YWHAZ: variants seen among roughly 807,000 people sequenced by gnomAD.
YWHAZ encodes tyrosine 3-monooxygenase/tryptophan 5-monooxygenase activation protein zeta.
For missense variants in YWHAZ, 79 were observed against 284.8 expected, an observed-to-expected ratio of 0.28 and a Z score of 5.20; for synonymous variants, 87 against 103.6, an observed-to-expected ratio of 0.84 and a Z score of 0.97.
chr8:100,934,815 C>T (rs1307265544), intron 2 of YWHAZ: 1 of 152,148 alleles, frequency 6.6e-6, no homozygotes, highest in Non-Finnish European at 1.5e-5. Flanking sequence ...GTTTACTTTG[C>T]ACATAAATTC....
chr8:100,941,142 G>A (rs1809819198), intron 2 of YWHAZ, among the ~76,000 whole-genome samples: 1 of 152,226 alleles, frequency 6.6e-6, no homozygotes, highest in African/African-American at 2.4e-5. Context: ...TTCTAGGCAA[G>A]AACTACAGCT....
At chr8:100,951,128 C>G (rs1314942842) in intron 1 of YWHAZ, 9 of 983,152 alleles carry the variant, frequency 9.2e-6, no homozygotes, top group Non-Finnish European at 1.1e-5. Context: ...TTCCTCCCAC[C>G]GCGGAGCCCA....
chr8:100,945,145 TAACACGTGGAAGAGA>T (rs1563688074), intron 2 of YWHAZ, among the ~76,000 whole-genome samples: 1 of 152,162 alleles, frequency 6.6e-6, no homozygotes, highest in Non-Finnish European at 1.5e-5. Flanking sequence ...AGTTTGAAAT[TAACACGTGGAAGAGA>T]AGAAACCCAA....
At chr8:100,939,818 G>A (rs573002765) in intron 2 of YWHAZ, among the ~76,000 whole-genome samples, 47 of 152,166 alleles carry the variant, frequency 3.1e-4, no homozygotes, top group African/African-American at 9.2e-4. Context: ...TTAGGAGATC[G>A]AGACCAACCT....
At chr8:100,925,550 C>T (rs534420878) in intron 2 of YWHAZ, among the ~76,000 whole-genome samples, 2 of 152,274 alleles carry the variant, frequency 1.3e-5, no homozygotes, top group South Asian at 4.1e-4. Flanking sequence ...CAACACAATT[C>T]AAGCAAACCT....
At chr8:100,953,361 C>T, upstream of YWHAZ, 3 of 985,582 alleles carry the variant, frequency 3.0e-6, no homozygotes, top group Non-Finnish European at 3.6e-6. Flanking sequence ...GGTGATGAGC[C>T]GGGACGGGAG....
In YWHAZ at chr8:100,920,346, A is replaced by C; in HGVS notation, c.*347T>G. The C allele has an allele frequency of 4.2e-6, 1 of 237,740 alleles. No individual in the cohort carries two copies. Among genetic ancestry groups the C allele is most frequent in the South Asian group, 6.6e-5 (1 of 15,110 alleles). The allele number at this position is 237,740 out of a possible 1,614,324, so 14.7% of individuals were successfully genotyped here. On this transcript the variant is annotated 3_prime_UTR_variant, in exon 6 of 6. Coordinates refer to ENST00000395958, the MANE Select transcript of YWHAZ (RefSeq NM_145690.3). The stretch of plus-strand genomic sequence containing the variant: ...CTTTTATTCCCCGCCAGGACAAACC[A>C]GTATGTAGGCAGTTTTCTTTGCTTA...
At position 100,918,408 on chromosome 8, in the gene YWHAZ, T is replaced by TATATATACATATATATA. The variant is rs1554611374; in HGVS notation, c.*2284_*2285insTATATATATGTATATAT. On this transcript the variant is annotated 3_prime_UTR_variant, in exon 6 of 6. Coordinates refer to ENST00000395958, the MANE Select transcript of YWHAZ (RefSeq NM_145690.3). Reference sequence around the variant, plus strand: ...AGTCTAGCTATAAAATATAATTACTTTATATATATATATATATATATATAT... The same window carrying TATATATACATATATATA: ...AGTCTAGCTATAAAATATAATTACTTATATATACATATATATATATATATATATATATATATATATAT... 2 of 41,882 alleles carry TATATATACATATATATA rather than the reference T, an allele frequency of 4.8e-5. No homozygotes were observed. The highest frequency in any genetic ancestry group is 9.6e-5 in the Non-Finnish European group (2 of 20,796). The allele number at this position is 41,882 out of a possible 1,614,324, so 2.6% of individuals were successfully genotyped here.
chr8:100,952,996 GGGTGGGCGCCGA>G (rs2130403225), upstream of YWHAZ: 1 of 1,000,752 alleles, frequency 1.0e-6, no homozygotes, highest in South Asian at 4.7e-5. Context: ...AGGGGACAAT[GGGTGGGCGCCGA>G]GGTGGGGGCG....
At chr8:100,925,100 G>C (rs1041433493) in intron 2 of YWHAZ, 61 bp from the exon 3 acceptor site, 3 of 1,524,180 alleles carry the variant, frequency 2.0e-6, no homozygotes, top group East Asian at 4.7e-5. Context: ...GAAAGAACTT[G>C]CATTTCTTAA....
rs761218803 is a variant in YWHAZ, at chr8:100,941,982, C to T, written c.294+6614G>A. On this transcript the variant is annotated intron_variant, in intron 2 of 5. Coordinates refer to ENST00000395958, the MANE Select transcript of YWHAZ (RefSeq NM_145690.3). The stretch of plus-strand genomic sequence containing the variant: ...CCATTAAGCAAATCTTATGTTGGTC[C>T]GCTTAACTTTATAGATTAATACTTG... 9.9e-5 allele frequency among the ~76,000 whole-genome samples: 15 copies of T among 152,234 alleles called. No individual in the cohort carries two copies. In the South Asian group the frequency reaches 1.5e-3, roughly 15 times the overall value.
chr8:100,950,589 G>C (rs754528721), intron 1 of YWHAZ: 23 of 985,384 alleles, frequency 2.3e-5, no homozygotes, highest in Non-Finnish European at 2.7e-5. Context: ...CCAACCTACT[G>C]CAGAGTGTTA....
upstream of YWHAZ, chr8:100,952,745 T>C (rs1219760180): frequency 2.0e-6 from 2 of 975,820 alleles, no homozygotes; most frequent in Non-Finnish European, 2.5e-6. Flanking sequence ...GGGAGGGTTG[T>C]GTGTGGTGCG....
At position 100,924,157 on chromosome 8, in the gene YWHAZ, T is replaced by C. The variant is rs764073347; in HGVS notation, c.560A>G (p.Lys187Arg). 6.2e-7 allele frequency: 1 copy of C among 1,612,366 alleles called. No individual in the cohort carries two copies. The highest frequency in any genetic ancestry group is 1.1e-5 in the South Asian group (1 of 90,756). The stretch of plus-strand genomic sequence containing the variant: ...TACTGTCTTTGCAAGAGAGCAGGCT[T>C]TCTCTGGGGAGTTCAGAATCTCATA... Reference protein sequence around the residue: ...FYYEILNSPEKACSLAKTAFD... With the variant: ...FYYEILNSPERACSLAKTAFD... Residue 187 changes from lysine (K) to arginine (R), a missense_variant, in exon 4 of 6, where the codon AAA becomes AGA. Lys to Arg is a conservative substitution (Grantham distance 26). Transcript: ENST00000395958. The surrounding 1 kb of genome is among the most constrained non-coding windows in gnomAD (Gnocchi z 5.7).
Position 100,948,530 on chromosome 8 carries a change from G to C in YWHAZ, c.294+66C>G. ...AAAGAAAAACCAAACAAAAAGTTAAGAGTAATGTAACTGATACTCATAGGG... is the reference window on the plus strand; with the variant it reads ...AAAGAAAAACCAAACAAAAAGTTAACAGTAATGTAACTGATACTCATAGGG... On this transcript the variant is annotated intron_variant, in intron 2 of 5. Coordinates refer to ENST00000395958, the MANE Select transcript of YWHAZ (RefSeq NM_145690.3). This position sits in a 1 kb window ranked among gnomAD's most constrained non-coding sequence, Gnocchi z 4.2. 6.7e-7 allele frequency: 1 copy of C among 1,497,952 alleles called. No homozygotes were observed. Among genetic ancestry groups the C allele is most frequent in the South Asian group, 1.3e-5 (1 of 76,566 alleles). 92.8% of individuals were successfully genotyped at this position (1,497,952 alleles called of 1,614,324 possible).
chr8:100,941,702 T>C lies in YWHAZ; in HGVS notation c.294+6894A>G, dbSNP rs771971809. Among the ~76,000 whole-genome samples, 45 of 151,926 alleles carry C rather than the reference T, an allele frequency of 3.0e-4. 1 individual carries two copies. The highest frequency in any genetic ancestry group is 7.4e-5 in the Non-Finnish European group (5 of 67,992). ...TGGGAGGCTGAGGAGGGAGAATCGCTTGAACCCGGAAGGTGGAGGCTGCAG... is the reference window on the plus strand; with the variant it reads ...TGGGAGGCTGAGGAGGGAGAATCGCCTGAACCCGGAAGGTGGAGGCTGCAG... On this transcript the variant is annotated intron_variant, in intron 2 of 5. Coordinates refer to ENST00000395958, the MANE Select transcript of YWHAZ (RefSeq NM_145690.3).
rs1554612426 is a variant in YWHAZ at position 100,920,794 on chromosome 8, A to AT, written c.679-43dup. 110 of 49,082 alleles carry AT rather than the reference A, an allele frequency of 2.2e-3. 1 individual carries two copies. The highest frequency in any genetic ancestry group is 3.5e-3 in the African/African-American group (14 of 4,022). 3.0% of individuals were successfully genotyped at this position (49,082 alleles called of 1,614,324 possible). On this transcript the variant is annotated intron_variant, in intron 5 of 5. Coordinates refer to ENST00000395958, the MANE Select transcript of YWHAZ (RefSeq NM_145690.3). ...AGATTTTTCAGCAAGTTTCAGTGGG[A>AT]TGGGGGGGGGGGGGCGTTTTCATAT...
At chr8:100,949,563 T>A in intron 1 of YWHAZ, among the ~76,000 whole-genome samples, 1 of 152,212 alleles carries the variant, frequency 6.6e-6, no homozygotes, top group Non-Finnish European at 1.5e-5. Context: ...TATCTGACCC[T>A]AATGTCTCAA....
At chr8:100,941,055 G>A (rs764741246) in intron 2 of YWHAZ, among the ~76,000 whole-genome samples, 1 of 152,230 alleles carries the variant, frequency 6.6e-6, no homozygotes, top group East Asian at 1.9e-4. Context: ...CAGATTGCTT[G>A]AGTTGTCTTA....
Sources: gnomAD v4.1 joint callset for allele counts (sites outside exome capture counted in the v4.1 genomes callset) on GRCh38, gnomAD v4.1.1 for gene constraint, Gnocchi (gnomAD v3.1) non-coding constraint, MANE v1.5 for transcripts, NCBI Gene and HGNC (gene_info 2026-07-23, HGNC 2026-07-21) for gene names.